DNAJC24: variants seen among roughly 807,000 people sequenced by gnomAD.
DNAJC24 encodes the protein DnaJ heat shock protein family (Hsp40) member C24, also known as dnaJ homolog subfamily C member 24.
A neutral mutation model predicts 18.0 loss-of-function variants in DNAJC24; 17 were observed. The ratio of observed to expected loss-of-function variants is 0.94; its 90% CI spans 0.65 to 1.42. The LOEUF (loss-of-function observed/expected upper bound fraction) is 1.42, where lower values mean the gene tolerates loss of function less well. Among genes scored for constraint, DNAJC24 ranks in the 40% most tolerant of loss-of-function variants. The pLI, the probability that DNAJC24 is intolerant of heterozygous loss-of-function variation, is 0.00. For synonymous variants in DNAJC24, 55 were observed against 57.7 expected (o/e 0.95, Z 0.21); for missense variants, 158 against 175.6 (o/e 0.90, Z 0.57).
At position 31,432,182 on chromosome 11, in the gene DNAJC24, G is replaced by A. The variant is rs1239666980; in HGVS notation, c.*1781G>A. On this transcript the variant is annotated 3_prime_UTR_variant, in exon 5 of 5. Coordinates refer to ENST00000465995, the MANE Select transcript of DNAJC24 (RefSeq NM_181706.5). ...GTAAATGTAGCTGCTAAAGTATGAGGTATATTTAAGAAGAATAGATTAGTT... is the reference window on the plus strand; with the variant it reads ...GTAAATGTAGCTGCTAAAGTATGAGATATATTTAAGAAGAATAGATTAGTT... Among the ~76,000 whole-genome samples the A allele has an allele frequency of 3.9e-5, 6 of 152,138 alleles. No homozygotes were observed. The South Asian group carries it at 1.0e-3, about 26-fold the overall frequency.
chr11:31,393,076 G>C (rs1952513536), intron 2 of DNAJC24, among the ~76,000 whole-genome samples: 1 of 152,156 alleles, frequency 6.6e-6, no homozygotes, highest in Non-Finnish European at 1.5e-5. Context: ...CCCAGTCTAT[G>C]GTTTTTATGT....
At chr11:31,411,637 G>A (rs1391647359) in intron 2 of DNAJC24, among the ~76,000 whole-genome samples, 2 of 152,128 alleles carry the variant, frequency 1.3e-5, no homozygotes, top group African/African-American at 4.8e-5. Flanking sequence ...TCTCTCCACT[G>A]TCTTCACATC....
At chr11:31,413,543 A>G (rs1268266961) in intron 2 of DNAJC24, among the ~76,000 whole-genome samples, 2 of 152,070 alleles carry the variant, frequency 1.3e-5, no homozygotes, top group East Asian at 1.9e-4. Context: ...TGTGTTAGCC[A>G]GGATGGTCTC....
At chr11:31,410,848 A>AT (rs1351069043) in intron 2 of DNAJC24, among the ~76,000 whole-genome samples, 1 of 152,190 alleles carries the variant, frequency 6.6e-6, no homozygotes, top group Non-Finnish European at 1.5e-5. Context: ...GGCTATCTTT[A>AT]TGCTAGTACT....
At position 31,371,384 on chromosome 11, in the gene DNAJC24, C is replaced by T. The variant is rs190653679; in HGVS notation, c.111+525C>T. Among the ~76,000 whole-genome samples, 66 of 152,284 alleles carry T rather than the reference C, an allele frequency of 4.3e-4. 1 individual carries two copies. The highest frequency in any genetic ancestry group is 7.9e-4 in the Non-Finnish European group (54 of 68,022). ...GTTCACTGGTTTTATTTTTCCTCTA[C>T]TGTGTCCATCTGCTGATAAACTTCT... On this transcript the variant is annotated intron_variant, in intron 2 of 4. Coordinates refer to ENST00000465995, the MANE Select transcript of DNAJC24 (RefSeq NM_181706.5).
intron 2 of DNAJC24, among the ~76,000 whole-genome samples, chr11:31,413,499 A>G (rs573266431): frequency 2.0e-5 from 3 of 151,446 alleles, no homozygotes; most frequent in African/African-American, 7.3e-5. Flanking sequence ...CCTGGCCAAT[A>G]TTTTTGTACT....
At chr11:31,413,492 G>T (rs1450094997) in intron 2 of DNAJC24, among the ~76,000 whole-genome samples, 1 of 151,668 alleles carries the variant, frequency 6.6e-6, no homozygotes, top group Non-Finnish European at 1.5e-5. Flanking sequence ...CACCACACCT[G>T]GCCAATATTT....
Position 31,413,592 on chromosome 11 carries a change from T to A in DNAJC24, c.112-1219T>A, listed in dbSNP as rs549137947. Reference sequence around the variant, plus strand: ...TGTGATCCGCCCGCCTTGGCCTCCCTAAGTGCTGGTATTACAAGCGTGAGC... The same window carrying A: ...TGTGATCCGCCCGCCTTGGCCTCCCAAAGTGCTGGTATTACAAGCGTGAGC... On this transcript the variant is annotated intron_variant, in intron 2 of 4. Transcript: ENST00000465995. Among the ~76,000 whole-genome samples, 32 of 152,120 alleles carry A rather than the reference T, an allele frequency of 2.1e-4. 1 individual carries two copies. Among genetic ancestry groups the A allele is most frequent in the Middle Eastern group, 3.4e-3 (1 of 294 alleles).
At chr11:31,408,186 G>A (rs777138301) in intron 2 of DNAJC24, 2 of 456,168 alleles carry the variant, frequency 4.4e-6, no homozygotes, top group South Asian at 3.1e-5. Flanking sequence ...TTTTTGTGAA[G>A]CACTCATCTT....
chr11:31,430,283 T>G lies in DNAJC24; in HGVS notation c.332T>G (p.Phe111Cys). 6.2e-7 allele frequency: 1 copy of G among 1,607,342 alleles called. No homozygotes were observed. The highest frequency in any genetic ancestry group is 8.5e-7 in the Non-Finnish European group (1 of 1,175,842). Reference protein sequence around the residue: ...EMSWNEGDHSFYLSCRCGGKY... With the variant: ...EMSWNEGDHSCYLSCRCGGKY... ...TTTTCTTTTGCAGGTGATCACTCTT[T>G]TTATCTGAGTTGCAGATGTGGTGGA... is the stretch of plus-strand genomic sequence containing the variant. Residue 111 changes from phenylalanine (F) to cysteine (C), a missense_variant, in exon 5 of 5, where the codon TTT becomes TGT. By Grantham distance (205) the Phe-to-Cys change is radical. Coordinates refer to ENST00000465995, the MANE Select transcript of DNAJC24 (RefSeq NM_181706.5).
intron 2 of DNAJC24, among the ~76,000 whole-genome samples, chr11:31,389,339 CAA>C (rs943834673): frequency 4.0e-5 from 6 of 151,288 alleles, no homozygotes; most frequent in Admixed American, 2.6e-4. Flanking sequence ...AACAAACAAA[CAA>C]AAAAAGAGTA....
chr11:31,376,567 T>C (rs1412655707), intron 2 of DNAJC24, among the ~76,000 whole-genome samples: 1 of 152,216 alleles, frequency 6.6e-6, no homozygotes, highest in African/African-American at 2.4e-5. Context: ...GTTACCCCTA[T>C]GTTTGTACTT....
intron 2 of DNAJC24, among the ~76,000 whole-genome samples, chr11:31,409,888 CTTT>C (rs34773636): frequency 1.5e-5 from 2 of 137,628 alleles, no homozygotes. Context: ...TTTTCTTTTT[CTTT>C]TTTTTTTTTT....
chr11:31,410,504 A>G lies in DNAJC24; in HGVS notation c.112-4307A>G, dbSNP rs564177572. ...CTTGTTTATTCATTTCCTTAGTGGT[A>G]TCTTTGATGAGCAGAAGGTTTTAAA... On this transcript the variant is annotated intron_variant, in intron 2 of 4. Transcript: ENST00000465995. 1.0e-3 allele frequency among the ~76,000 whole-genome samples: 156 copies of G among 152,310 alleles called. 1 individual carries two copies. The highest frequency in any genetic ancestry group is 3.7e-3 in the African/African-American group (152 of 41,574).
At chr11:31,383,361 G>A (rs112092607) in intron 2 of DNAJC24, among the ~76,000 whole-genome samples, 1 of 152,080 alleles carries the variant, frequency 6.6e-6, no homozygotes. Flanking sequence ...CATTCCATTA[G>A]CATACAAAAG....
At chr11:31,421,955 A>C (rs1198934723) in intron 3 of DNAJC24, 3 of 444,054 alleles carry the variant, frequency 6.8e-6, no homozygotes, top group Non-Finnish European at 1.4e-5. Flanking sequence ...TTTCCTTTTA[A>C]TCTCTTTGAA....
intron 2 of DNAJC24, among the ~76,000 whole-genome samples, chr11:31,410,630 CTT>C (rs1184955034): frequency 6.6e-6 from 1 of 152,170 alleles, no homozygotes; most frequent in African/African-American, 2.4e-5. Context: ...AAGATATTCT[CTT>C]GTTGCCTTTA....
intron 2 of DNAJC24, among the ~76,000 whole-genome samples, chr11:31,390,209 A>C (rs939408016): frequency 2.6e-5 from 4 of 152,112 alleles, no homozygotes; most frequent in Admixed American, 1.3e-4. Flanking sequence ...CCACCTGGCC[A>C]ACATGGCGGA....
chr11:31,385,137 C>T (rs1240814109), intron 2 of DNAJC24: 1 of 152,036 alleles, frequency 6.6e-6, no homozygotes. Context: ...ATTCTAGATT[C>T]TTCATATCGG....
Sources: gnomAD v4.1 joint callset for allele counts (sites outside exome capture counted in the v4.1 genomes callset) on GRCh38, gnomAD v4.1.1 for gene constraint, MANE v1.5 for transcripts, NCBI Gene and HGNC (gene_info 2026-07-23, HGNC 2026-07-21) for gene names.